KCNN2: variants seen among roughly 807,000 people sequenced by gnomAD.
KCNN2 encodes small conductance calcium-activated potassium channel protein 2.
Under a neutral mutation model 55.5 loss-of-function variants are expected in KCNN2, and 24 were observed. The observed-to-expected ratio is 0.43, with a 90% CI of 0.31 to 0.61. KCNN2 has a LOEUF of 0.61. Ranked by LOEUF, KCNN2 falls within the 20% of genes least tolerant of loss-of-function variation. The pLI, the probability that KCNN2 is intolerant of heterozygous loss-of-function variation, is 0.08. For missense variants in KCNN2, 754 were observed against 853.6 expected, an observed-to-expected ratio of 0.88 and a Z score of 1.45; for synonymous variants, 431 against 336.1, an observed-to-expected ratio of 1.28 and a Z score of -3.09.
At chr5:114,416,790 T>C (rs886802952) in intron 3 of KCNN2, among the ~76,000 whole-genome samples, 1 of 152,228 alleles carries the variant, frequency 6.6e-6, no homozygotes, top group African/African-American at 2.4e-5. Context: ...TATTTAATGT[T>C]GTGGTTTTAG....
chr5:114,279,580 T>C (rs1755576351), intron 2 of KCNN2, among the ~76,000 whole-genome samples: 1 of 152,202 alleles, frequency 6.6e-6, no homozygotes, highest in African/African-American at 2.4e-5. Flanking sequence ...GATAGTTTGC[T>C]CAGAATGATG....
At chr5:114,353,287 T>C (rs1757245435) in intron 2 of KCNN2, among the ~76,000 whole-genome samples, 1 of 151,802 alleles carries the variant, frequency 6.6e-6, no homozygotes, top group South Asian at 2.1e-4. Context: ...AACCTATTTA[T>C]TTACCTTTTC....
In KCNN2 at chr5:114,185,362, C is replaced by T. The variant is rs562367843; in HGVS notation, c.-270-36118C>T. Among the ~76,000 whole-genome samples, 9 of 152,312 alleles carry T rather than the reference C, an allele frequency of 5.9e-5. No individual in the cohort carries two copies. In the South Asian group the frequency reaches 1.7e-3, roughly 28 times the overall value. On this transcript the variant is annotated intron_variant, in intron 1 of 10. Transcript: ENST00000512097. ...TATAGACAACATGAAAATCTTGAAA[C>T]GTAAGACAGTAATGAGACAGCCAGA...
chr5:114,464,228 A>G (rs1192225436), intron 4 of KCNN2, among the ~76,000 whole-genome samples: 1 of 152,140 alleles, frequency 6.6e-6, no homozygotes, highest in Non-Finnish European at 1.5e-5. Context: ...TGAACTTCTA[A>G]ATATTTAAGC....
intron 1 of KCNN2, among the ~76,000 whole-genome samples, chr5:114,077,090 C>T (rs1159696932): frequency 2.6e-5 from 4 of 152,220 alleles, no homozygotes; most frequent in Admixed American, 6.5e-5. Context: ...TGCCCATTTT[C>T]CCTTTTACAT....
intron 1 of KCNN2, among the ~76,000 whole-genome samples, chr5:114,105,220 A>G (rs1184060651): frequency 1.3e-5 from 2 of 152,082 alleles, no homozygotes; most frequent in African/African-American, 4.8e-5. Flanking sequence ...TGCCTTGCAC[A>G]CAGATCATCT....
chr5:114,262,275 A>G (rs746765504), intron 2 of KCNN2, among the ~76,000 whole-genome samples: 2 of 152,080 alleles, frequency 1.3e-5, no homozygotes, highest in South Asian at 4.1e-4. Context: ...TGTTTTTTTC[A>G]TAGTGGATCC....
chr5:114,235,672 G>A (rs754697168), intron 2 of KCNN2, among the ~76,000 whole-genome samples: 13 of 152,114 alleles, frequency 8.5e-5, no homozygotes, highest in Non-Finnish European at 1.9e-4. Context: ...TAAACTGTTC[G>A]TTTTTTAAAG....
chr5:114,446,028 A>G (rs1760392154), intron 3 of KCNN2, among the ~76,000 whole-genome samples: 2 of 152,232 alleles, frequency 1.3e-5, no homozygotes, highest in South Asian at 4.1e-4. Context: ...TGTGGATGTC[A>G]GAATTTCTGG....
intron 2 of KCNN2, among the ~76,000 whole-genome samples, chr5:114,296,002 A>C (rs1756005201): frequency 6.6e-6 from 1 of 152,234 alleles, no homozygotes; most frequent in Non-Finnish European, 1.5e-5. Context: ...AGTACTACTA[A>C]TACTACTGTG....
chr5:114,150,962 G>A (rs1489088553), intron 1 of KCNN2, among the ~76,000 whole-genome samples: 4 of 151,990 alleles, frequency 2.6e-5, no homozygotes, highest in Admixed American at 1.3e-4. Flanking sequence ...CAGAGGTTGC[G>A]GTGAGCTGAG....
At chr5:114,166,660 C>G (rs1752919240) in intron 1 of KCNN2, among the ~76,000 whole-genome samples, 1 of 152,108 alleles carries the variant, frequency 6.6e-6, no homozygotes, top group Non-Finnish European at 1.5e-5. Context: ...CATGCTATAA[C>G]AAAGCCCAAG....
intron 1 of KCNN2, among the ~76,000 whole-genome samples, chr5:114,177,940 C>A (rs957722404): frequency 1.3e-5 from 2 of 151,856 alleles, no homozygotes; most frequent in Admixed American, 1.3e-4. Context: ...ATGTTAAGAC[C>A]CAAATTCAGA....
intron 3 of KCNN2, among the ~76,000 whole-genome samples, chr5:114,444,378 G>A (rs1276426462): frequency 6.7e-6 from 1 of 148,936 alleles, no homozygotes. Context: ...ACAGGCCAAA[G>A]TGGGGATTAA....
At chr5:114,403,645 A>G (rs1427642987) in intron 2 of KCNN2, among the ~76,000 whole-genome samples, 3 of 152,172 alleles carry the variant, frequency 2.0e-5, no homozygotes, top group South Asian at 2.1e-4. Context: ...GAGCCAGGGA[A>G]GAGAGGAAGA....
intron 3 of KCNN2, among the ~76,000 whole-genome samples, chr5:114,456,632 T>C (rs1398615282): frequency 6.6e-6 from 1 of 152,180 alleles, no homozygotes; most frequent in Non-Finnish European, 1.5e-5. Context: ...GAAAACCTTC[T>C]GGAAAGGATT....
At chr5:114,465,627 AAG>A (rs1221153725) in intron 4 of KCNN2, among the ~76,000 whole-genome samples, 2 of 152,124 alleles carry the variant, frequency 1.3e-5, no homozygotes, top group East Asian at 1.9e-4. Flanking sequence ...AAAAAAAAAA[AAG>A]AGAGAGGTTA....
At chr5:114,441,845 C>T (rs1209789206) in intron 3 of KCNN2, among the ~76,000 whole-genome samples, 5 of 152,080 alleles carry the variant, frequency 3.3e-5, no homozygotes, top group East Asian at 1.9e-4. Context: ...TCACTTTGCT[C>T]CTAAAGATCT....
intron 3 of KCNN2, among the ~76,000 whole-genome samples, chr5:114,437,960 TAGG>T (rs1760066013): frequency 6.6e-6 from 1 of 152,220 alleles, no homozygotes. Flanking sequence ...CATCCAGTTC[TAGG>T]AGCATAATAA....
Sources: gnomAD v4.1 joint callset for allele counts (sites outside exome capture counted in the v4.1 genomes callset) on GRCh38, gnomAD v4.1.1 for gene constraint, MANE v1.5 for transcripts, NCBI Gene and HGNC (gene_info 2026-07-23, HGNC 2026-07-21) for gene names.